The following GRIA2 variants were observed in gnomAD, a reference collection of about 807,000 sequenced individuals.
The protein encoded by GRIA2 is glutamate ionotropic receptor AMPA type subunit 2.
Under a neutral mutation model 97.3 loss-of-function variants are expected in GRIA2, and 14 were observed. The observed-to-expected ratio is 0.14, with a 90% confidence interval of 0.10 to 0.23. The LOEUF (loss-of-function observed/expected upper bound fraction) is 0.23. Ranked by LOEUF, GRIA2 falls within the 10% of genes least tolerant of loss-of-function variation. The pLI, the probability that GRIA2 is intolerant of heterozygous loss-of-function variation, is 1.00. For missense variants in GRIA2, 558 were observed against 1,069.8 expected, an observed-to-expected ratio of 0.52 and a Z score of 6.67; for synonymous variants, 412 against 387.8, an observed-to-expected ratio of 1.06 and a Z score of -0.73.
At chr4:157,226,053 G>A (rs981791065) in intron 2 of GRIA2, among the ~76,000 whole-genome samples, 9 of 151,738 alleles carry the variant, frequency 5.9e-5, no homozygotes, top group Non-Finnish European at 1.3e-4. Flanking sequence ...ATTAAATATT[G>A]AATTTACTCC....
intron 2 of GRIA2, among the ~76,000 whole-genome samples, chr4:157,274,880 C>G (rs1221410798): frequency 6.6e-6 from 1 of 151,528 alleles, no homozygotes; most frequent in Non-Finnish European, 1.5e-5. Context: ...TGGGTATATA[C>G]CCAGTAATGG....
At chr4:157,333,716 T>G (rs1735161516) in intron 8 of GRIA2, among the ~76,000 whole-genome samples, 1 of 152,032 alleles carries the variant, frequency 6.6e-6, no homozygotes, top group Non-Finnish European at 1.5e-5. Context: ...TTTAGCTGTT[T>G]AGGCTAAAAT....
chr4:157,344,142 AT>A (rs1210818793), intron 12 of GRIA2, among the ~76,000 whole-genome samples: 2 of 152,082 alleles, frequency 1.3e-5, no homozygotes, highest in Non-Finnish European at 1.5e-5. Flanking sequence ...AATGAAGCCA[AT>A]TTAGAGACAT....
rs775296315 is a variant in GRIA2 at position 157,333,315 on chromosome 4, A to G, written c.1117A>G (p.Ile373Val). ...DQNGKRINYT[I>V]NIMELKTNGP... The stretch of plus-strand genomic sequence containing the variant: ...GAATGGAAAAAGAATAAACTATACA[A>G]TTAACATCATGGAGCTCAAAACTAA... Residue 373 changes from isoleucine (I) to valine (V), a missense_variant, in exon 8 of 16, where the codon ATT (isoleucine) becomes GTT (valine). Coordinates refer to ENST00000264426, the MANE Select transcript of GRIA2 (RefSeq NM_001083619.3). 2.5e-6 allele frequency: 4 copies of G among 1,602,628 alleles called. No homozygotes were observed. Among genetic ancestry groups the G allele is most frequent in the South Asian group, 1.1e-5 (1 of 90,298 alleles).
intron 12 of GRIA2, among the ~76,000 whole-genome samples, chr4:157,359,432 T>G (rs1736540028): frequency 6.6e-6 from 1 of 152,150 alleles, no homozygotes; most frequent in South Asian, 2.1e-4. Flanking sequence ...ATTATCTTTA[T>G]TCCACAGCGA....
chr4:157,307,350 G>T (rs1733887946), intron 3 of GRIA2, among the ~76,000 whole-genome samples: 1 of 152,166 alleles, frequency 6.6e-6, no homozygotes, highest in South Asian at 2.1e-4. Context: ...TGGATGCATG[G>T]ATAGAAACAT....
intron 2 of GRIA2, among the ~76,000 whole-genome samples, chr4:157,252,361 G>C (rs942143598): frequency 2.0e-5 from 3 of 152,028 alleles, no homozygotes; most frequent in Admixed American, 6.6e-5. Flanking sequence ...ATTTGTGTTT[G>C]GTTATTTGAC....
chr4:157,236,732 T>C (rs768274275), intron 2 of GRIA2, among the ~76,000 whole-genome samples: 10 of 152,184 alleles, frequency 6.6e-5, no homozygotes, highest in Non-Finnish European at 1.5e-4. Flanking sequence ...TGGTATCTTA[T>C]TGTTTACATT....
intron 2 of GRIA2, among the ~76,000 whole-genome samples, chr4:157,257,137 C>T (rs1176519151): frequency 6.6e-6 from 1 of 151,966 alleles, no homozygotes; most frequent in Non-Finnish European, 1.5e-5. Context: ...CAGATAAAAA[C>T]AAGTGTCAGG....
At chr4:157,280,995 C>A (rs1319644279) in intron 2 of GRIA2, among the ~76,000 whole-genome samples, 1 of 151,924 alleles carries the variant, frequency 6.6e-6, no homozygotes, top group Non-Finnish European at 1.5e-5. Flanking sequence ...TCCATGATCT[C>A]ATCATGGACT....
intron 2 of GRIA2, among the ~76,000 whole-genome samples, chr4:157,255,074 C>T (rs187044292): frequency 8.2e-4 from 125 of 152,100 alleles, no homozygotes; most frequent in Non-Finnish European, 1.1e-3. Context: ...ATCCCTACCA[C>T]CTTCTCTCCC....
chr4:157,250,872 A>G lies in GRIA2; in HGVS notation c.229+29065A>G, dbSNP rs190231398. Among the ~76,000 whole-genome samples, 7 of 152,204 alleles carry G rather than the reference A, an allele frequency of 4.6e-5. No homozygotes were observed. The East Asian group carries it at 1.2e-3, about 25-fold the overall frequency. On this transcript the variant is annotated intron_variant, in intron 2 of 15. Transcript: ENST00000264426. ...CATGATCCCAGGGGACATTTATGGT[A>G]TTAGCACAGTTACTAGAAAGTATTA...
chr4:157,291,524 T>C (rs1025712475), intron 2 of GRIA2, among the ~76,000 whole-genome samples: 2 of 151,958 alleles, frequency 1.3e-5, no homozygotes, highest in African/African-American at 4.8e-5. Context: ...TTTTTAAAAG[T>C]CCATCTATTG....
chr4:157,341,569 C>G (rs1735549062), intron 12 of GRIA2, 107 bp downstream of exon 12: 4 of 728,124 alleles, frequency 5.5e-6, no homozygotes, highest in Non-Finnish European at 9.6e-6. Flanking sequence ...GAAAGCACCC[C>G]TAATTCTATT....
Position 157,363,513 on chromosome 4 carries a change from A to T in GRIA2, c.*82A>T, listed in dbSNP as rs138861522. ...TACTGGAGAAAATGGACGTGTTATG[A>T]CTCCAGAATTTCCCAAAGCAGTGCA... On this transcript the variant is annotated 3_prime_UTR_variant, in exon 16 of 16. Transcript: ENST00000264426. 7.3e-6 allele frequency: 9 copies of T among 1,237,904 alleles called. No individual in the cohort carries two copies. In the East Asian group the frequency reaches 2.8e-4, roughly 39 times the overall value. The allele number at this position is 1,237,904 out of a possible 1,614,324, so 76.7% of individuals were successfully genotyped here.
chr4:157,352,584 G>C lies in GRIA2; in HGVS notation c.2044-7312G>C, dbSNP rs533507552. ...TACAAAAAATAAATAGCCGGGTGTG[G>C]TGATGGGCGCCTGTAATCCTAACTA... On this transcript the variant is annotated intron_variant, in intron 12 of 15. Coordinates refer to ENST00000264426, the MANE Select transcript of GRIA2 (RefSeq NM_001083619.3). 2.1e-4 allele frequency among the ~76,000 whole-genome samples: 32 copies of C among 151,940 alleles called. No individual in the cohort carries two copies. The East Asian group carries it at 4.9e-3, about 23-fold the overall frequency.
At chr4:157,299,157 G>C (rs1008292686) in intron 2 of GRIA2, among the ~76,000 whole-genome samples, 3 of 152,076 alleles carry the variant, frequency 2.0e-5, no homozygotes, top group African/African-American at 7.2e-5. Flanking sequence ...GCAAATTTTG[G>C]TCTAATAAAT....
At chr4:157,303,825 G>A (rs1280757427) in intron 3 of GRIA2, 34 bp downstream of exon 3, 1 of 1,605,378 alleles carries the variant, frequency 6.2e-7, no homozygotes, top group Non-Finnish European at 8.5e-7. Flanking sequence ...TTGTAATGGG[G>A]CGAATTCAAT....
At chr4:157,292,950 TAA>T (rs758733388) in intron 2 of GRIA2, among the ~76,000 whole-genome samples, 8 of 152,222 alleles carry the variant, frequency 5.3e-5, no homozygotes, top group Non-Finnish European at 1.2e-4. Context: ...TAAAATATAC[TAA>T]GAGCAATGCG....
Sources: gnomAD v4.1 joint callset for allele counts (sites outside exome capture counted in the v4.1 genomes callset) on GRCh38, gnomAD v4.1.1 for gene constraint, MANE v1.5 for transcripts, NCBI Gene and HGNC (gene_info 2026-07-23, HGNC 2026-07-21) for gene names.